The following SHISAL1 variants were observed in gnomAD, a reference collection of about 807,000 sequenced individuals.
The protein encoded by SHISAL1 is shisa like 1.
A neutral mutation model predicts 22.6 loss-of-function variants in SHISAL1; 9 were observed. The observed-to-expected ratio is 0.40, with a 90% confidence interval of 0.24 to 0.70. SHISAL1 has a LOEUF of 0.70. Among genes scored for constraint, SHISAL1 ranks in the 30% least tolerant of loss-of-function variants. The pLI is 0.39. For synonymous variants in SHISAL1, 119 were observed against 115.4 expected, an observed-to-expected ratio of 1.03 and a Z score of -0.20; for missense variants, 246 against 270.6, an observed-to-expected ratio of 0.91 and a Z score of 0.64.
At chr22:44,305,888 A>G (rs1258979444) in intron 1 of SHISAL1, among the ~76,000 whole-genome samples, 6 of 152,182 alleles carry the variant, frequency 3.9e-5, no homozygotes, top group Non-Finnish European at 5.9e-5. Context: ...GGGATTCTGC[A>G]TGAGGAGGTA....
At chr22:44,304,736 G>A (rs1209158094) in intron 1 of SHISAL1, among the ~76,000 whole-genome samples, 3 of 152,178 alleles carry the variant, frequency 2.0e-5, no homozygotes, top group African/African-American at 7.2e-5. Context: ...TGGAAAATGC[G>A]CTGTGGGAGT....
At chr22:44,301,050 G>A (rs2055425252) in intron 1 of SHISAL1, 73 bp from the exon 2 acceptor site, 1 of 1,049,368 alleles carries the variant, frequency 9.5e-7, no homozygotes, top group East Asian at 2.6e-5. Flanking sequence ...CCCACAGCGG[G>A]GGACGGGCAG....
At chr22:44,318,883 G>C in the SHISAL1 span, among the ~76,000 whole-genome samples, 2 of 152,236 alleles carry the variant, frequency 1.3e-5, no homozygotes, top group Non-Finnish European at 2.9e-5. Flanking sequence ...ATATGTGGCA[G>C]ACTTGGGACT....
Position 44,286,374 on chromosome 22 carries a change from A to G in SHISAL1, c.282-629T>C, listed in dbSNP as rs557120822. Among the ~76,000 whole-genome samples the G allele has an allele frequency of 4.6e-5, 7 of 152,020 alleles. No individual in the cohort carries two copies. In the South Asian group the frequency reaches 1.0e-3, roughly 23 times the overall value. Reference sequence around the variant, plus strand: ...CTCACTTCTGTTATTCATTTGCCCAACATTTCCCCACCGAGGGCTGCTCTG... The same window carrying G: ...CTCACTTCTGTTATTCATTTGCCCAGCATTTCCCCACCGAGGGCTGCTCTG... On this transcript the variant is annotated intron_variant, in intron 3 of 4. Transcript: ENST00000381176.
intron 3 of SHISAL1, among the ~76,000 whole-genome samples, chr22:44,290,274 AATCCCAGCACTCTGGG>A (rs2055343733): frequency 6.6e-6 from 1 of 152,170 alleles, no homozygotes; most frequent in South Asian, 2.1e-4. Flanking sequence ...TCACACCTGT[AATCCCAGCACTCTGGG>A]AGGCCGAAGT....
chr22:44,327,630 G>T, the SHISAL1 span, among the ~76,000 whole-genome samples: 4 of 152,200 alleles, frequency 2.6e-5, no homozygotes, highest in South Asian at 2.1e-4. Context: ...TCCCTAGGGG[G>T]TTCATGCTTA....
the SHISAL1 span, among the ~76,000 whole-genome samples, chr22:44,319,473 C>T: frequency 2.0e-5 from 3 of 152,358 alleles, no homozygotes; most frequent in Non-Finnish European, 1.5e-5. Context: ...AACCACTTCC[C>T]CATTACTGGG....
At chr22:44,323,788 C>T in the SHISAL1 span, among the ~76,000 whole-genome samples, 1 of 152,366 alleles carries the variant, frequency 6.6e-6, no homozygotes, top group South Asian at 2.1e-4. Flanking sequence ...TCCACCCTTC[C>T]AGGATAGAGA....
chr22:44,256,897 C>G (rs1246094943), intron 4 of SHISAL1, among the ~76,000 whole-genome samples: 1 of 152,196 alleles, frequency 6.6e-6, no homozygotes, highest in African/African-American at 2.4e-5. Context: ...AAGGTAGAAT[C>G]TAAACAGACC....
At chr22:44,326,481 A>G in the SHISAL1 span, among the ~76,000 whole-genome samples, 1 of 152,146 alleles carries the variant, frequency 6.6e-6, no homozygotes, top group South Asian at 2.1e-4. Flanking sequence ...TTCAAAGATC[A>G]CGGTTTGTCT....
Position 44,283,026 on chromosome 22 carries a change from G to A in SHISAL1, c.599+2402C>T, listed in dbSNP as rs969865612. ...GTGGCAGGAAAGGAGGCTCCTCCCT[G>A]ATCTCCAAATGAAATCCCCTCTCAC... On this transcript the variant is annotated intron_variant, in intron 4 of 4. Coordinates refer to ENST00000381176, the MANE Select transcript of SHISAL1 (RefSeq NM_001099294.2). Among the ~76,000 whole-genome samples the A allele has an allele frequency of 1.1e-4, 17 of 152,298 alleles. No homozygotes were observed. In the South Asian group the frequency reaches 3.5e-3, roughly 32 times the overall value.
intron 1 of SHISAL1, among the ~76,000 whole-genome samples, 197 bp from the exon 2 acceptor site, chr22:44,301,174 C>T (rs149795955): frequency 5.4e-4 from 83 of 152,370 alleles, no homozygotes; most frequent in Non-Finnish European, 9.7e-4. Context: ...CACAAGCCAA[C>T]TGTCACCTCC....
chr22:44,319,739 T>C, the SHISAL1 span, among the ~76,000 whole-genome samples: 1 of 152,240 alleles, frequency 6.6e-6, no homozygotes, highest in African/African-American at 2.4e-5. Context: ...CACTCCGGTC[T>C]GGCCTCACAC....
chr22:44,274,949 G>T (rs970390804), intron 4 of SHISAL1, among the ~76,000 whole-genome samples: 1 of 152,184 alleles, frequency 6.6e-6, no homozygotes, highest in Non-Finnish European at 1.5e-5. Flanking sequence ...TTGTACTGAC[G>T]GGAACACTGA....
the SHISAL1 span, among the ~76,000 whole-genome samples, chr22:44,328,625 G>C: frequency 6.6e-6 from 1 of 152,128 alleles, no homozygotes; most frequent in Non-Finnish European, 1.5e-5. Context: ...GTGGCCTTTG[G>C]GGTGGGGCTG....
chr22:44,301,595 G>A (rs573283412), intron 1 of SHISAL1, among the ~76,000 whole-genome samples: 12 of 152,258 alleles, frequency 7.9e-5, no homozygotes, highest in South Asian at 4.1e-4. Context: ...GAACAGATAC[G>A]TACACACACC....
chr22:44,257,426 G>A (rs528244622), intron 4 of SHISAL1, among the ~76,000 whole-genome samples: 16 of 152,228 alleles, frequency 1.1e-4, no homozygotes, highest in Admixed American at 9.8e-4. Flanking sequence ...CCTTCCCTGG[G>A]CATTGGTCAT....
the SHISAL1 span, among the ~76,000 whole-genome samples, chr22:44,321,385 G>A: frequency 1.2e-4 from 18 of 152,172 alleles, 1 homozygote; most frequent in South Asian, 1.0e-3. Flanking sequence ...AAATATCCCC[G>A]CTCCCCTTGC....
chr22:44,301,985 C>T (rs988025905), intron 1 of SHISAL1, among the ~76,000 whole-genome samples: 4 of 152,046 alleles, frequency 2.6e-5, no homozygotes, highest in Admixed American at 6.6e-5. Flanking sequence ...TCTGGAGGTG[C>T]ATGGTGGGGA....
Sources: allele counts gnomAD v4.1 joint callset (sites outside exome capture counted in the v4.1 genomes callset), GRCh38; gene constraint gnomAD v4.1.1; transcripts MANE v1.5; gene names NCBI Gene and HGNC (gene_info 2026-07-23, HGNC 2026-07-21).